Variants in AKAP8L observed in about 807,000 individuals in gnomAD.
AKAP8L encodes the protein A-kinase anchor protein 8-like.
In AKAP8L, 34 loss-of-function variants were observed where a neutral mutation model predicts 77.5. That is an observed-to-expected ratio of 0.44 (90% CI 0.33 to 0.58). The LOEUF (loss-of-function observed/expected upper bound fraction) is 0.58, where lower values mean the gene tolerates loss of function less well. Ranked by LOEUF, AKAP8L falls within the 20% of genes least tolerant of loss-of-function variation. AKAP8L has a pLI of 0.02. For missense variants in AKAP8L, 806 were observed against 887.6 expected, an observed-to-expected ratio of 0.91 and a Z score of 1.17; for synonymous variants, 342 against 340.7, an observed-to-expected ratio of 1.00 and a Z score of -0.04.
rs1422167645 is a variant in AKAP8L at position 15,403,390 on chromosome 19, G to A, written c.362+85C>T. 6.9e-6 allele frequency: 9 copies of A among 1,307,690 alleles called. No homozygotes were observed. In the South Asian group the frequency reaches 1.0e-4, roughly 15 times the overall value. 81.0% of individuals were successfully genotyped at this position (1,307,690 alleles called of 1,614,324 possible). On this transcript the variant is annotated intron_variant, in intron 4 of 13. Coordinates refer to ENST00000397410, the MANE Select transcript of AKAP8L (RefSeq NM_014371.4). This position sits in a 1 kb window ranked among gnomAD's most constrained non-coding sequence, Gnocchi z 4.3. ...GCAGCGGGGAGGAAGCAGACACAGA[G>A]GGGCACTCAGAGAGGAAAACGCAGT...
intron 1 of AKAP8L, among the ~76,000 whole-genome samples, chr19:15,412,716 G>T (rs1438676405): frequency 6.6e-6 from 1 of 152,106 alleles, no homozygotes; most frequent in Non-Finnish European, 1.5e-5. Flanking sequence ...TGATTTTTTT[G>T]TATTTTTAGT....
In AKAP8L at chr19:15,385,139, G is replaced by A. The variant is rs146342449; in HGVS notation, c.1537-4527C>T. ...ACTACAGGCGCCCACCACCACGCCC[G>A]GCTAATTTTTTGTGTTTTTAGTAGA... is the stretch of plus-strand genomic sequence containing the variant. On this transcript the variant is annotated intron_variant, in intron 12 of 13. Coordinates refer to ENST00000397410, the MANE Select transcript of AKAP8L (RefSeq NM_014371.4). Among the ~76,000 whole-genome samples the A allele has an allele frequency of 7.3e-3, 1,114 of 152,188 alleles. 9 individuals are homozygous for A. Among genetic ancestry groups the A allele is most frequent in the Non-Finnish European group, 9.8e-3 (664 of 68,000 alleles).
intron 7 of AKAP8L, 49 bp from the exon 8 acceptor site, chr19:15,400,407 TTTA>T: frequency 6.4e-7 from 1 of 1,562,844 alleles, no homozygotes; most frequent in Non-Finnish European, 8.7e-7. Context: ...TTTTTTTTTT[TTTA>T]AAAGAAACCA....
chr19:15,403,875 T>C lies in AKAP8L; in HGVS notation c.121+135A>G. 1 of 1,146,290 alleles carries C rather than the reference T, an allele frequency of 8.7e-7. No individual in the cohort carries two copies. Among genetic ancestry groups the C allele is most frequent in the Non-Finnish European group, 1.3e-6 (1 of 788,122 alleles). 71.0% of individuals were successfully genotyped at this position (1,146,290 alleles called of 1,614,324 possible). On this transcript the variant is annotated intron_variant, in intron 3 of 13. Coordinates refer to ENST00000397410, the MANE Select transcript of AKAP8L (RefSeq NM_014371.4). This position sits in a 1 kb window ranked among gnomAD's most constrained non-coding sequence, Gnocchi z 4.3. ...GGCCCTGGTCATTCTGATGAGGGCC[T>C]CCTGTTAAGGAGTAGGTAACCCCAG...
At position 15,399,110 on chromosome 19, in the gene AKAP8L, C is replaced by T; in HGVS notation, c.1157+192G>A. On this transcript the variant is annotated intron_variant, in intron 9 of 13. Coordinates refer to ENST00000397410, the MANE Select transcript of AKAP8L (RefSeq NM_014371.4). This position sits in a 1 kb window ranked among gnomAD's most constrained non-coding sequence, Gnocchi z 6.1. ...ACAGACGCCAGCGGTCGCCAGGCGG[C>T]CGCAGAGGGGCAGGGGATGAGTCAG... 1.7e-6 allele frequency: 1 copy of T among 604,140 alleles called. No homozygotes were observed. Among genetic ancestry groups the T allele is most frequent in the Non-Finnish European group, 2.9e-6 (1 of 344,404 alleles). 37.4% of individuals were successfully genotyped at this position (604,140 alleles called of 1,614,324 possible).
chr19:15,394,197 A>C (rs2145121867), intron 12 of AKAP8L, among the ~76,000 whole-genome samples: 1 of 151,780 alleles, frequency 6.6e-6, no homozygotes, highest in South Asian at 2.1e-4. Context: ...AATAAACAAA[A>C]TGTGCCACAT....
At chr19:15,388,212 A>G (rs1045041002) in intron 12 of AKAP8L, among the ~76,000 whole-genome samples, 5 of 148,974 alleles carry the variant, frequency 3.4e-5, no homozygotes, top group Admixed American at 2.7e-4. Flanking sequence ...AAAATCTAGC[A>G]AGTCACTAAA....
At chr19:15,393,306 C>T (rs1174877785) in intron 12 of AKAP8L, among the ~76,000 whole-genome samples, 2 of 151,904 alleles carry the variant, frequency 1.3e-5, no homozygotes, top group Non-Finnish European at 2.9e-5. Context: ...TTATGACACC[C>T]AAAGCATAAG....
At chr19:15,389,398 G>A (rs1213498343) in intron 12 of AKAP8L, among the ~76,000 whole-genome samples, 1 of 152,086 alleles carries the variant, frequency 6.6e-6, no homozygotes, top group Non-Finnish European at 1.5e-5. Context: ...AGGAAAGAGA[G>A]AAAGGAGTAG....
intron 8 of AKAP8L, chr19:15,400,004 G>A (rs1967858299): frequency 1.9e-6 from 1 of 527,736 alleles, no homozygotes. Context: ...CGAGGGCAGG[G>A]GGCGTGCCTG....
At chr19:15,393,285 T>C (rs923434248) in intron 12 of AKAP8L, among the ~76,000 whole-genome samples, 4 of 152,196 alleles carry the variant, frequency 2.6e-5, no homozygotes, top group African/African-American at 7.2e-5. Flanking sequence ...GATTTATCAA[T>C]AGATTCTTAG....
chr19:15,405,473 T>C (rs1967978129), intron 2 of AKAP8L, among the ~76,000 whole-genome samples: 2 of 149,226 alleles, frequency 1.3e-5, no homozygotes, highest in Non-Finnish European at 3.0e-5. Flanking sequence ...GAGTTTGCAG[T>C]GAGGTGAGAT....
intron 2 of AKAP8L, among the ~76,000 whole-genome samples, chr19:15,408,257 G>A (rs897857175): frequency 6.6e-6 from 1 of 151,950 alleles, no homozygotes; most frequent in Admixed American, 6.6e-5. Flanking sequence ...GTAAAGGTAC[G>A]AAGGCAATTC....
intron 12 of AKAP8L, among the ~76,000 whole-genome samples, chr19:15,395,355 C>G (rs1431381730): frequency 1.3e-5 from 2 of 151,452 alleles, no homozygotes; most frequent in Middle Eastern, 3.2e-3. Flanking sequence ...AGATGAGTCT[C>G]GCAGATTGCT....
At position 15,401,151 on chromosome 19, in the gene AKAP8L, C is replaced by T. The variant is rs373647376; in HGVS notation, c.815G>A (p.Arg272Gln). Residue 272 changes from arginine to glutamine, a missense_variant and splice_region_variant, in exon 5 of 14, where the codon CGA (arginine) becomes CAA (glutamine). Coordinates refer to ENST00000397410, the MANE Select transcript of AKAP8L (RefSeq NM_014371.4). This position sits in a 1 kb window ranked among gnomAD's most constrained non-coding sequence, Gnocchi z 6.2. ...TWKTWTTADF[R>Q]TKKKKRKQGG... is the part of the protein sequence containing the mutation. ...GAGGGGAAGGCTGCCTCCACTCACT[C>T]GGAAGTCGGCTGTGGTCCAGGTCTT... is the stretch of plus-strand genomic sequence containing the variant. 6.9e-6 allele frequency: 11 copies of T among 1,605,020 alleles called. No individual in the cohort carries two copies. Among genetic ancestry groups the T allele is most frequent in the Non-Finnish European group, 9.3e-6 (11 of 1,176,962 alleles).
At chr19:15,415,897 C>CAA (rs60781424) in intron 1 of AKAP8L, among the ~76,000 whole-genome samples, 1 of 149,404 alleles carries the variant, frequency 6.7e-6, no homozygotes, top group Non-Finnish European at 1.5e-5. Context: ...AAAAAAAAAA[C>CAA]AAAAAAAAAA....
intron 1 of AKAP8L, among the ~76,000 whole-genome samples, chr19:15,415,209 G>C (rs1455764225): frequency 5.3e-5 from 8 of 152,180 alleles, no homozygotes; most frequent in African/African-American, 1.9e-4. Context: ...TGAGTTGGGA[G>C]GATCACTTGA....
chr19:15,403,335 G>A lies in AKAP8L; in HGVS notation c.362+140C>T, dbSNP rs183969071. On this transcript the variant is annotated intron_variant, in intron 4 of 13. Coordinates refer to ENST00000397410, the MANE Select transcript of AKAP8L (RefSeq NM_014371.4). The surrounding 1 kb of genome is among the most constrained non-coding windows in gnomAD (Gnocchi z 4.3). ...ACAAGTCAGAGACGGGAAGTGCAACGGACCCTGCTGGGAGCCACAGCAGCA... is the reference window on the plus strand; with the variant it reads ...ACAAGTCAGAGACGGGAAGTGCAACAGACCCTGCTGGGAGCCACAGCAGCA... The A allele has an allele frequency of 4.7e-4, 364 of 767,916 alleles. 5 individuals carry two copies. The South Asian group carries it at 4.8e-3, about 10-fold the overall frequency. The allele number at this position is 767,916 out of a possible 1,614,324, so 47.6% of individuals were successfully genotyped here.
intron 1 of AKAP8L, among the ~76,000 whole-genome samples, chr19:15,415,854 C>G (rs959409966): frequency 6.6e-6 from 1 of 150,982 alleles, no homozygotes; most frequent in Non-Finnish European, 1.5e-5. Flanking sequence ...CCACTGCACT[C>G]CAGCCTGGGT....
Sources: gnomAD v4.1 joint callset for allele counts (sites outside exome capture counted in the v4.1 genomes callset) on GRCh38, gnomAD v4.1.1 for gene constraint, Gnocchi (gnomAD v3.1) non-coding constraint, MANE v1.5 for transcripts, NCBI Gene and HGNC (gene_info 2026-07-23, HGNC 2026-07-21) for gene names.